The following CNTN5 variants were observed in gnomAD, a reference collection of about 807,000 sequenced individuals.
CNTN5 encodes contactin 5.
CNTN5 carries 77 observed loss-of-function variants against 129.1 expected under a neutral mutation model. That is an observed-to-expected ratio of 0.60 (90% CI 0.50 to 0.72). CNTN5 has a LOEUF of 0.72. Ranked by LOEUF, CNTN5 falls within the 30% of genes least tolerant of loss-of-function variation. CNTN5 has a pLI of 0.00. For missense variants in CNTN5, 1,478 were observed against 1,328.8 expected (o/e 1.11, Z -1.75); for synonymous variants, 509 against 465.6 (o/e 1.09, Z -1.20).
In CNTN5 at chr11:99,883,632, C is replaced by T. The variant is rs1261903476; in HGVS notation, c.578-32422C>T. Among the ~76,000 whole-genome samples the T allele has an allele frequency of 2.6e-5, 4 of 152,236 alleles. No homozygotes were observed. The South Asian group carries it at 8.3e-4, about 32-fold the overall frequency. The stretch of plus-strand genomic sequence containing the variant: ...AAAACAAAACAGTGAAAACAAAAAT[C>T]CCCTAATCACTCAGGATACTCCTGG... On this transcript the variant is annotated intron_variant, in intron 6 of 24. Coordinates refer to ENST00000524871, the MANE Select transcript of CNTN5 (RefSeq NM_014361.4).
chr11:99,681,512 A>C (rs1953551507), intron 3 of CNTN5, among the ~76,000 whole-genome samples: 1 of 152,126 alleles, frequency 6.6e-6, no homozygotes, highest in African/African-American at 2.4e-5. Context: ...GAAGGCTTAG[A>C]TGATAGCATT....
intron 1 of CNTN5, among the ~76,000 whole-genome samples, chr11:99,088,162 T>C (rs1866078030): frequency 6.6e-6 from 1 of 152,144 alleles, no homozygotes; most frequent in East Asian, 1.9e-4. Context: ...CTCACACACA[T>C]ATACTTCACA....
intron 3 of CNTN5, among the ~76,000 whole-genome samples, chr11:99,579,186 C>T (rs906719265): frequency 1.3e-5 from 2 of 152,110 alleles, no homozygotes; most frequent in African/African-American, 4.8e-5. Context: ...TTCCATTGGT[C>T]TATATCCTGT....
At chr11:99,125,677 A>T (rs1233009084) in intron 1 of CNTN5, among the ~76,000 whole-genome samples, 1 of 152,140 alleles carries the variant, frequency 6.6e-6, no homozygotes, top group Admixed American at 6.6e-5. Flanking sequence ...ATTATTTTAA[A>T]TCCTATCAAT....
intron 4 of CNTN5, chr11:99,844,521 T>C: frequency 3.0e-6 from 1 of 337,734 alleles, no homozygotes; most frequent in Admixed American, 4.6e-5. Context: ...TTTCAGGTTT[T>C]TTAAGATATT....
chr11:100,036,857 G>A (rs549844948), intron 9 of CNTN5, among the ~76,000 whole-genome samples: 2 of 147,166 alleles, frequency 1.4e-5, no homozygotes, highest in African/African-American at 5.1e-5. Context: ...ATCAGCTTGA[G>A]GAGGTTTTGG....
At chr11:99,148,914 T>G (rs1399660427) in intron 1 of CNTN5, among the ~76,000 whole-genome samples, 1 of 152,150 alleles carries the variant, frequency 6.6e-6, no homozygotes, top group African/African-American at 2.4e-5. Context: ...AACTTTCTAC[T>G]TCTCAAACCC....
chr11:99,189,262 T>C (rs1168800279), intron 1 of CNTN5, among the ~76,000 whole-genome samples: 1 of 151,694 alleles, frequency 6.6e-6, no homozygotes, highest in Admixed American at 6.6e-5. Flanking sequence ...TACATATATA[T>C]TTATACTACA....
At chr11:100,088,453 G>A (rs1027363442) in intron 13 of CNTN5, among the ~76,000 whole-genome samples, 1 of 151,936 alleles carries the variant, frequency 6.6e-6, no homozygotes, top group African/African-American at 2.4e-5. Flanking sequence ...AACCAAATTT[G>A]GTTCTTTAAA....
chr11:99,416,554 G>C (rs1267406883), intron 2 of CNTN5, among the ~76,000 whole-genome samples: 2 of 152,112 alleles, frequency 1.3e-5, no homozygotes, highest in Non-Finnish European at 1.5e-5. Flanking sequence ...CCAAACTGCT[G>C]AGATTACAAG....
At chr11:100,142,560 A>T (rs181165394) in intron 13 of CNTN5, among the ~76,000 whole-genome samples, 3 of 152,314 alleles carry the variant, frequency 2.0e-5, no homozygotes, top group Admixed American at 6.5e-5. Flanking sequence ...CAGGTGCACA[A>T]CATAATTTAT....
At chr11:99,623,216 G>C (rs926074548) in intron 3 of CNTN5, among the ~76,000 whole-genome samples, 1 of 151,962 alleles carries the variant, frequency 6.6e-6, no homozygotes, top group African/African-American at 2.4e-5. Context: ...TCAGCTGTAG[G>C]TGATAAAACC....
chr11:99,034,658 C>CT (rs1448575801), intron 1 of CNTN5, among the ~76,000 whole-genome samples: 1 of 150,520 alleles, frequency 6.6e-6, no homozygotes, highest in Non-Finnish European at 1.5e-5. Context: ...ATTCTTCTCT[C>CT]TTTTTTTCTT....
chr11:100,009,246 C>G (rs1458237226), intron 9 of CNTN5, among the ~76,000 whole-genome samples: 1 of 152,018 alleles, frequency 6.6e-6, no homozygotes, highest in Admixed American at 6.6e-5. Flanking sequence ...GAGCAGAACT[C>G]AACAAGAGTG....
At chr11:99,793,058 C>T (rs969786067) in intron 3 of CNTN5, among the ~76,000 whole-genome samples, 3 of 150,904 alleles carry the variant, frequency 2.0e-5, no homozygotes, top group Non-Finnish European at 3.0e-5. Flanking sequence ...GTCTATCTAT[C>T]TTATTAATTT....
At chr11:99,782,566 G>A (rs1945350927) in intron 3 of CNTN5, among the ~76,000 whole-genome samples, 2 of 151,636 alleles carry the variant, frequency 1.3e-5, no homozygotes, top group Non-Finnish European at 2.9e-5. Flanking sequence ...CACACTACCT[G>A]ACTTCAAACT....
intron 3 of CNTN5, among the ~76,000 whole-genome samples, chr11:99,582,818 T>C (rs1726534166): frequency 6.6e-6 from 1 of 152,242 alleles, no homozygotes; most frequent in Non-Finnish European, 1.5e-5. Flanking sequence ...CCTTCCTCTC[T>C]CAACTCGTCA....
At chr11:100,022,040 G>T (rs988168738) in intron 9 of CNTN5, among the ~76,000 whole-genome samples, 2 of 152,000 alleles carry the variant, frequency 1.3e-5, no homozygotes, top group African/African-American at 4.8e-5. Flanking sequence ...CCACATTGTG[G>T]GTAGGTCTTC....
At chr11:99,847,672 A>T (rs751586578) in intron 6 of CNTN5, among the ~76,000 whole-genome samples, 2 of 152,174 alleles carry the variant, frequency 1.3e-5, no homozygotes, top group Non-Finnish European at 2.9e-5. Context: ...AGTCCCATAG[A>T]TGTAGTTTCA....
Sources: allele counts gnomAD v4.1 joint callset (sites outside exome capture counted in the v4.1 genomes callset), GRCh38; gene constraint gnomAD v4.1.1; transcripts MANE v1.5; gene names NCBI Gene and HGNC (gene_info 2026-07-23, HGNC 2026-07-21).